The following PARP8 variants were observed in gnomAD, a reference collection of about 807,000 sequenced individuals.
PARP8 encodes the protein protein mono-ADP-ribosyltransferase PARP8.
Under a neutral mutation model 124.1 loss-of-function variants are expected in PARP8, and 51 were observed. That is an observed-to-expected ratio of 0.41 (90% CI 0.33 to 0.52). The LOEUF (loss-of-function observed/expected upper bound fraction) is 0.52. Ranked by LOEUF, PARP8 falls within the 20% of genes least tolerant of loss-of-function variation. The pLI, the probability that PARP8 is intolerant of heterozygous loss-of-function variation, is 0.21. For synonymous variants in PARP8, 391 were observed against 361.5 expected (o/e 1.08, Z -0.93); for missense variants, 860 against 1,018.9 (o/e 0.84, Z 2.12).
At chr5:50,667,776 T>A in intron 1 of PARP8, 1 of 805,026 alleles carries the variant, frequency 1.2e-6, no homozygotes, top group South Asian at 1.5e-5. Context: ...CCCCCGGGAT[T>A]TTGCTTTCGC....
At position 50,828,033 on chromosome 5, in the gene PARP8, C is replaced by A; in HGVS notation, c.2067C>A (p.Leu689=). Reference sequence around the variant, plus strand: ...CCAATTTTAGAGCTGCTAAAAAACTCTTTGGAAGCACCTTTGCATTTCAGT... The same window carrying A: ...CCAATTTTAGAGCTGCTAAAAAACTATTTGGAAGCACCTTTGCATTTCAGT... ...KESNFRAAKK[L]FGSTFAFHGS... is the part of the protein sequence containing the mutation. The change falls in exon 20 of 26, where the codon CTC becomes CTA. Residue 689 remains leucine, a synonymous_variant. Transcript: ENST00000281631. 1.2e-6 allele frequency: 2 copies of A among 1,610,868 alleles called. No homozygotes were observed. Among genetic ancestry groups the A allele is most frequent in the Non-Finnish European group, 1.7e-6 (2 of 1,177,194 alleles).
At chr5:50,817,680 C>T (rs1227446842) in intron 15 of PARP8, among the ~76,000 whole-genome samples, 3 of 152,070 alleles carry the variant, frequency 2.0e-5, no homozygotes, top group Non-Finnish European at 2.9e-5. Context: ...ATTACTATTG[C>T]AGTATTGGAC....
intron 12 of PARP8, among the ~76,000 whole-genome samples, chr5:50,796,241 ACACT>A (rs1157461890): frequency 6.6e-6 from 1 of 152,142 alleles, no homozygotes; most frequent in Non-Finnish European, 1.5e-5. Context: ...TAATGTGTAA[ACACT>A]CAGCAAGAGA....
chr5:50,794,881 G>A lies in PARP8; in HGVS notation c.892G>A (p.Gly298Ser). 1.2e-6 allele frequency: 2 copies of A among 1,614,006 alleles called. No individual in the cohort carries two copies. The highest frequency in any genetic ancestry group is 1.7e-6 in the Non-Finnish European group (2 of 1,179,948). The change falls in exon 12 of 26, where the codon GGC becomes AGC. Residue 298 changes from glycine (G) to serine (S), a missense_variant. Gly to Ser is a moderately conservative substitution (Grantham distance 56). This residue lies in a region of PARP8 where 517 missense variants were observed against 544.2 expected (regional missense o/e 0.95). Transcript: ENST00000281631. ...RSPSYPPPGC[G>S]KSKSKLKSEQ... ...GCCAAGTTATCCTCCCCCTGGTTGTGGCAAAAGCAAATCCAAACTGAAATC... is the reference window on the plus strand; with the variant it reads ...GCCAAGTTATCCTCCCCCTGGTTGTAGCAAAAGCAAATCCAAACTGAAATC...
At chr5:50,798,068 G>A (rs1207273871) in intron 14 of PARP8, among the ~76,000 whole-genome samples, 3 of 152,108 alleles carry the variant, frequency 2.0e-5, no homozygotes, top group Non-Finnish European at 2.9e-5. Flanking sequence ...TACAGTATGT[G>A]GGCTTTTGTT....
At chr5:50,777,966 G>C in intron 7 of PARP8, 103 bp from the exon 8 acceptor site, 1 of 815,754 alleles carries the variant, frequency 1.2e-6, no homozygotes. Context: ...TCAAAATCAA[G>C]GATGAGAATT....
intron 14 of PARP8, among the ~76,000 whole-genome samples, chr5:50,805,836 C>A (rs925913407): frequency 2.6e-5 from 4 of 151,942 alleles, no homozygotes; most frequent in African/African-American, 9.7e-5. Context: ...TATTCTGAAA[C>A]CAAAATCAAC....
chr5:50,696,616 A>G (rs1221036106), intron 2 of PARP8, among the ~76,000 whole-genome samples: 1 of 151,896 alleles, frequency 6.6e-6, no homozygotes, highest in Non-Finnish European at 1.5e-5. Flanking sequence ...TGTCCTTACT[A>G]CTCTGATAGG....
At chr5:50,756,881 AACTT>A (rs921206043) in intron 3 of PARP8, among the ~76,000 whole-genome samples, 42 of 152,216 alleles carry the variant, frequency 2.8e-4, no homozygotes, top group Non-Finnish European at 4.7e-4. Context: ...ATACTAGTTC[AACTT>A]ACTTAGATTC....
intron 2 of PARP8, among the ~76,000 whole-genome samples, chr5:50,728,419 A>C (rs1052147457): frequency 6.6e-6 from 1 of 152,160 alleles, no homozygotes; most frequent in African/African-American, 2.4e-5. Flanking sequence ...TTATCTTTTA[A>C]AATTGACATC....
intron 2 of PARP8, among the ~76,000 whole-genome samples, chr5:50,693,784 A>C (rs1258448971): frequency 6.6e-6 from 1 of 151,448 alleles, no homozygotes; most frequent in East Asian, 1.9e-4. Flanking sequence ...TAATTATATG[A>C]TTGAGTTATG....
At chr5:50,727,393 A>T (rs375450273) in intron 2 of PARP8, among the ~76,000 whole-genome samples, 38 of 152,222 alleles carry the variant, frequency 2.5e-4, no homozygotes, top group East Asian at 1.2e-3. Flanking sequence ...ATGGACATGG[A>T]TCCACTCAAA....
intron 2 of PARP8, among the ~76,000 whole-genome samples, chr5:50,719,175 T>C (rs182189988): frequency 6.6e-6 from 1 of 152,204 alleles, no homozygotes; most frequent in Admixed American, 6.6e-5. Flanking sequence ...ACTTTCTTTA[T>C]TGAGTTGTTT....
intron 7 of PARP8, among the ~76,000 whole-genome samples, chr5:50,777,193 C>T (rs183002132): frequency 1.3e-5 from 2 of 152,120 alleles, no homozygotes; most frequent in African/African-American, 2.4e-5. Context: ...ATCTGTAAAG[C>T]GGAGATGGCA....
intron 3 of PARP8, among the ~76,000 whole-genome samples, chr5:50,755,073 G>A (rs1423337771): frequency 6.6e-6 from 1 of 152,082 alleles, no homozygotes; most frequent in Non-Finnish European, 1.5e-5. Context: ...GTAGATTCTG[G>A]GTATTAGCCC....
intron 3 of PARP8, among the ~76,000 whole-genome samples, chr5:50,758,425 A>G (rs1760194109): frequency 6.6e-6 from 1 of 152,218 alleles, no homozygotes; most frequent in South Asian, 2.1e-4. Context: ...CATACAGATC[A>G]CTATCATTCA....
At chr5:50,691,939 A>G (rs911733829) in intron 2 of PARP8, among the ~76,000 whole-genome samples, 2 of 152,174 alleles carry the variant, frequency 1.3e-5, no homozygotes, top group African/African-American at 4.8e-5. Context: ...ACTATTTGTT[A>G]TCATATCAGT....
chr5:50,787,793 T>C (rs1276432888), intron 9 of PARP8, among the ~76,000 whole-genome samples: 1 of 151,464 alleles, frequency 6.6e-6, no homozygotes, highest in Non-Finnish European at 1.5e-5. Context: ...ATATGTATTT[T>C]TATATATTTA....
intron 7 of PARP8, among the ~76,000 whole-genome samples, chr5:50,775,472 G>A (rs911676802): frequency 3.9e-5 from 6 of 152,138 alleles, no homozygotes; most frequent in South Asian, 2.1e-4. Context: ...GGAGAATCAC[G>A]GGAGCCCGAG....
Sources: allele counts gnomAD v4.1 joint callset (sites outside exome capture counted in the v4.1 genomes callset), GRCh38; gene constraint gnomAD v4.1.1; regional missense constraint gnomAD v4.1.1; transcripts MANE v1.5; gene names NCBI Gene and HGNC (gene_info 2026-07-23, HGNC 2026-07-21).